PTPN4: variants seen among roughly 807,000 people sequenced by gnomAD.
PTPN4 encodes the protein protein tyrosine phosphatase non-receptor type 4, also known as tyrosine-protein phosphatase non-receptor type 4.
Under a neutral mutation model 135.5 loss-of-function variants are expected in PTPN4, and 49 were observed. The ratio of observed to expected loss-of-function variants is 0.36; its 90% CI spans 0.29 to 0.46. PTPN4 has a LOEUF of 0.46. PTPN4 is among the 20% of genes least tolerant of loss of function. The probability of loss-of-function intolerance (pLI) is 1.00; values close to 1 mark genes in which losing one functional copy is unlikely to be tolerated. For synonymous variants in PTPN4, 333 were observed against 369.9 expected (o/e 0.90, Z 1.14); for missense variants, 860 against 1,101.0 (o/e 0.78, Z 3.10).
intron 1 of PTPN4, among the ~76,000 whole-genome samples, chr2:119,805,327 G>C (rs1052023711): frequency 1.1e-4 from 16 of 152,068 alleles, no homozygotes; most frequent in African/African-American, 3.6e-4. Flanking sequence ...GTTTGTTTTT[G>C]CCATTGCTTT....
At chr2:119,884,804 G>GT (rs1002230187) in intron 8 of PTPN4, among the ~76,000 whole-genome samples, 6 of 151,764 alleles carry the variant, frequency 4.0e-5, no homozygotes, top group Admixed American at 2.6e-4. Flanking sequence ...GAAGTGTACT[G>GT]TTTTTTTTGA....
Position 119,881,794 on chromosome 2 carries a change from ATTTT to A in PTPN4, c.380_383del (p.Phe127CysfsTer22). 2 of 1,561,668 alleles carry A rather than the reference ATTTT, an allele frequency of 1.3e-6. No homozygotes were observed. Among genetic ancestry groups the A allele is most frequent in the Admixed American group, 1.7e-5 (1 of 57,212 alleles). On this transcript the variant is annotated frameshift_variant, in exon 6 of 27. Coordinates refer to ENST00000263708, the MANE Select transcript of PTPN4 (RefSeq NM_002830.4). LOFTEE classifies it high-confidence loss of function. ...GTTTGTTTGTTTTTAAGGTACCAGT[ATTTT>A]TTGCAAATTAAACAAGACATTCTTA... is the stretch of plus-strand genomic sequence containing the variant.
At chr2:119,781,125 C>G (rs1690928687) in intron 1 of PTPN4, among the ~76,000 whole-genome samples, 1 of 151,836 alleles carries the variant, frequency 6.6e-6, no homozygotes, top group Non-Finnish European at 1.5e-5. Context: ...TTGACTAGTC[C>G]TCAGTTAGAT....
In PTPN4 at chr2:119,898,367, TA is replaced by T. The variant is rs562644783; in HGVS notation, c.676-2346del. 4.6e-5 allele frequency among the ~76,000 whole-genome samples: 7 copies of T among 152,284 alleles called. No individual in the cohort carries two copies. The South Asian group carries it at 1.5e-3, about 32-fold the overall frequency. ...AATTGTGGGCACACAAAACATATCA[TA>T]AAAATGGCCTGGCTAGAGTAGAAGA... On this transcript the variant is annotated intron_variant, in intron 9 of 26. Transcript: ENST00000263708.
At chr2:119,940,018 C>T (rs1410436897) in intron 15 of PTPN4, among the ~76,000 whole-genome samples, 1 of 152,168 alleles carries the variant, frequency 6.6e-6, no homozygotes, top group African/African-American at 2.4e-5. Context: ...GCTTACCTAC[C>T]ATTCATCTCT....
At chr2:119,830,506 T>G (rs1677202972) in intron 2 of PTPN4, among the ~76,000 whole-genome samples, 1 of 152,190 alleles carries the variant, frequency 6.6e-6, no homozygotes. Context: ...CGAGTCTCTG[T>G]CACCCAGGCT....
In PTPN4 at chr2:119,984,525, G is replaced by T. The variant is rs1428410396; in HGVS notation, c.*7455G>T. 6.6e-6 allele frequency among the ~76,000 whole-genome samples: 1 copy of T among 152,086 alleles called. No individual in the cohort carries two copies. The highest frequency in any genetic ancestry group is 1.5e-5 in the Non-Finnish European group (1 of 68,022). ...CATAATTGAGGCAAAGAAGCTAAGGGTTTATTTAAAATGTGTATAAGCTTG... is the reference window on the plus strand; with the variant it reads ...CATAATTGAGGCAAAGAAGCTAAGGTTTTATTTAAAATGTGTATAAGCTTG... On this transcript the variant is annotated 3_prime_UTR_variant, in exon 27 of 27. Transcript: ENST00000263708.
chr2:119,915,977 G>A (rs575813513), intron 11 of PTPN4: 1 of 152,088 alleles, frequency 6.6e-6, no homozygotes, highest in South Asian at 2.1e-4. Context: ...GATCCCTTGA[G>A]GCCAGGAGTT....
At chr2:119,809,534 C>T (rs1316739457) in intron 1 of PTPN4, among the ~76,000 whole-genome samples, 2 of 151,898 alleles carry the variant, frequency 1.3e-5, no homozygotes, top group African/African-American at 4.8e-5. Context: ...TCTTCCCGCC[C>T]CTTTTGGCTA....
intron 14 of PTPN4, 21 bp from the exon 15 acceptor site, chr2:119,934,778 GT>G: frequency 6.2e-7 from 1 of 1,609,868 alleles, no homozygotes; most frequent in Non-Finnish European, 8.5e-7. Context: ...TTTTTATTCA[GT>G]TTTTCTCCCT....
At chr2:119,818,061 G>C (rs1677014319) in intron 2 of PTPN4, among the ~76,000 whole-genome samples, 1 of 152,178 alleles carries the variant, frequency 6.6e-6, no homozygotes, top group African/African-American at 2.4e-5. Context: ...AAGCTTGAGG[G>C]CTGAGACTAT....
At chr2:119,936,108 T>G (rs2105040648) in intron 15 of PTPN4, among the ~76,000 whole-genome samples, 1 of 152,198 alleles carries the variant, frequency 6.6e-6, no homozygotes, top group South Asian at 2.1e-4. Context: ...GTTCACGCCA[T>G]TCTCCTGCCT....
At chr2:119,852,523 T>G (rs1677608353) in intron 2 of PTPN4, among the ~76,000 whole-genome samples, 1 of 152,250 alleles carries the variant, frequency 6.6e-6, no homozygotes, top group African/African-American at 2.4e-5. Context: ...AAAGGTTGAT[T>G]TGTGTCTTTT....
At chr2:119,967,089 T>C (rs1679455127) in intron 25 of PTPN4, among the ~76,000 whole-genome samples, 1 of 152,244 alleles carries the variant, frequency 6.6e-6, no homozygotes, top group African/African-American at 2.4e-5. Flanking sequence ...TGATAACTAC[T>C]GCATTCGTGT....
chr2:119,767,979 C>A (rs922523227), intron 1 of PTPN4, among the ~76,000 whole-genome samples: 2 of 152,194 alleles, frequency 1.3e-5, no homozygotes, highest in African/African-American at 4.8e-5. Context: ...CACGAGCCTT[C>A]AGGTCTGATG....
At chr2:119,879,162 C>T (rs896735955) in intron 5 of PTPN4, among the ~76,000 whole-genome samples, 1 of 151,574 alleles carries the variant, frequency 6.6e-6, no homozygotes, top group Non-Finnish European at 1.5e-5. Context: ...AATATTGTAG[C>T]CCTTAAAATA....
rs748295640 is a variant in PTPN4 at position 119,932,523 on chromosome 2, A to G, written c.1170A>G (p.Ser390=). 1 of 1,611,908 alleles carries G rather than the reference A, an allele frequency of 6.2e-7. No homozygotes were observed. The highest frequency in any genetic ancestry group is 1.1e-5 in the South Asian group (1 of 90,670). Residue 390 remains serine, a synonymous_variant, in exon 14 of 27, where the codon TCA becomes TCG. Coordinates refer to ENST00000263708, the MANE Select transcript of PTPN4 (RefSeq NM_002830.4). ...DDRLETQSLP[S]RSPPGTPNHR... is the part of the protein sequence containing the mutation. ...GGTTAGAAACACAAAGTCTTCCATC[A>G]CGATCTCCACCGGGAACTCCTAATC...
intron 2 of PTPN4, among the ~76,000 whole-genome samples, chr2:119,845,754 G>A (rs1039822706): frequency 6.6e-6 from 1 of 151,604 alleles, no homozygotes; most frequent in Admixed American, 6.6e-5. Flanking sequence ...TTGTGCTTTG[G>A]GTTTAGATTT....
intron 9 of PTPN4, among the ~76,000 whole-genome samples, chr2:119,896,430 A>G (rs766345995): frequency 6.6e-6 from 1 of 152,204 alleles, no homozygotes; most frequent in East Asian, 1.9e-4. Context: ...TCACATATTC[A>G]TAATGTAATT....
Sources: gnomAD v4.1 joint callset for allele counts (sites outside exome capture counted in the v4.1 genomes callset) on GRCh38, gnomAD v4.1.1 for gene constraint, MANE v1.5 for transcripts, NCBI Gene and HGNC (gene_info 2026-07-23, HGNC 2026-07-21) for gene names.